RNF185: variants seen among roughly 807,000 people sequenced by gnomAD.
The protein encoded by RNF185 is ring finger protein 185.
RNF185 carries 13 observed loss-of-function variants against 24.9 expected under a neutral mutation model. The ratio of observed to expected loss-of-function variants is 0.52; its 90% confidence interval spans 0.34 to 0.83. The LOEUF is 0.83. RNF185 is among the 40% of genes least tolerant of loss of function. The probability of loss-of-function intolerance (pLI) is 0.01; values close to 1 mark genes in which losing one functional copy is unlikely to be tolerated. For synonymous variants in RNF185, 79 were observed against 90.3 expected, an observed-to-expected ratio of 0.88 and a Z score of 0.71; for missense variants, 184 against 244.7, an observed-to-expected ratio of 0.75 and a Z score of 1.65.
intron 1 of RNF185, among the ~76,000 whole-genome samples, chr22:31,175,165 G>A (rs2047969992): frequency 6.6e-6 from 1 of 151,772 alleles, no homozygotes; most frequent in Admixed American, 6.6e-5. Context: ...TGTTATCTCT[G>A]GGCTTGGTGG....
intron 4 of RNF185, among the ~76,000 whole-genome samples, chr22:31,196,151 T>G (rs765126829): frequency 6.6e-6 from 1 of 152,174 alleles, no homozygotes; most frequent in Non-Finnish European, 1.5e-5. Flanking sequence ...GTGTATTTGC[T>G]CTCTCTTCTG....
rs567216373 is a variant in RNF185 at position 31,182,322 on chromosome 22, A to G, written c.-48-4725A>G. 3.2e-4 allele frequency among the ~76,000 whole-genome samples: 48 copies of G among 151,402 alleles called. No individual in the cohort carries two copies. In the South Asian group the frequency reaches 4.8e-3, roughly 15 times the overall value. ...TTATTTTTTTTGAGACAGAGTCACTATGTCACTCAGGCTGGAATGCAGTGG... is the reference window on the plus strand; with the variant it reads ...TTATTTTTTTTGAGACAGAGTCACTGTGTCACTCAGGCTGGAATGCAGTGG... On this transcript the variant is annotated intron_variant, in intron 1 of 6. Transcript: ENST00000326132.
chr22:31,180,915 CTGTGTGTGTGTGTG>C (rs567264606), intron 1 of RNF185, among the ~76,000 whole-genome samples: 2 of 96,858 alleles, frequency 2.1e-5, no homozygotes, highest in Non-Finnish European at 3.8e-5. Context: ...CTCTCTCTCT[CTGTGTGTGTGTGTG>C]TGTGTGTGTG....
At chr22:31,183,711 A>G (rs1257151866) in intron 1 of RNF185, among the ~76,000 whole-genome samples, 5 of 152,256 alleles carry the variant, frequency 3.3e-5, no homozygotes, top group Admixed American at 6.5e-5. Flanking sequence ...GTAAGGTTAT[A>G]GATTAACAGC....
At chr22:31,168,526 T>C (rs1602787277) in intron 1 of RNF185, among the ~76,000 whole-genome samples, 1 of 152,232 alleles carries the variant, frequency 6.6e-6, no homozygotes, top group Non-Finnish European at 1.5e-5. Flanking sequence ...ACTGTGAACA[T>C]TGATGTATAG....
chr22:31,160,210 C>G lies in RNF185; in HGVS notation c.-142C>G, dbSNP rs936755156. ...TGACTGGAGTCCGCGTAGGAGGGGT[C>G]GGAGGTCTTACCCAACAGATTGACG... On this transcript the variant is annotated 5_prime_UTR_variant, in exon 1 of 7. Coordinates refer to ENST00000326132, the MANE Select transcript of RNF185 (RefSeq NM_152267.4). 6.6e-6 allele frequency: 1 copy of G among 151,656 alleles called. No individual in the cohort carries two copies. The highest frequency in any genetic ancestry group is 2.4e-5 in the African/African-American group (1 of 41,208). 9.4% of individuals were successfully genotyped at this position (151,656 alleles called of 1,614,324 possible).
At chr22:31,188,663 TTAAAAC>T (rs1208513144) in intron 2 of RNF185, among the ~76,000 whole-genome samples, 1 of 150,942 alleles carries the variant, frequency 6.6e-6, no homozygotes, top group East Asian at 2.0e-4. Flanking sequence ...CCCACTATGT[TTAAAAC>T]TAGTCAGGCA....
chr22:31,178,521 A>G, intron 1 of RNF185, among the ~76,000 whole-genome samples: 1 of 152,224 alleles, frequency 6.6e-6, no homozygotes, highest in East Asian at 1.9e-4. Context: ...GGATCTGGGA[A>G]CCAGATCTTT....
At chr22:31,181,748 G>T (rs926330240) in intron 1 of RNF185, among the ~76,000 whole-genome samples, 14 of 151,536 alleles carry the variant, frequency 9.2e-5, no homozygotes, top group African/African-American at 3.1e-4. Flanking sequence ...GCAAACTATC[G>T]CAAGGACAAA....
chr22:31,167,600 G>T (rs1449847202), intron 1 of RNF185, among the ~76,000 whole-genome samples: 2 of 147,432 alleles, frequency 1.4e-5, no homozygotes, highest in African/African-American at 2.6e-5. Flanking sequence ...AAACGTAGGG[G>T]GGTTTTTTCC....
At chr22:31,169,680 G>T (rs1035744122) in intron 1 of RNF185, among the ~76,000 whole-genome samples, 3 of 152,078 alleles carry the variant, frequency 2.0e-5, no homozygotes, top group Non-Finnish European at 4.4e-5. Context: ...TTGAGTAGTT[G>T]GGACCACAGG....
chr22:31,165,273 T>C (rs1237703294), intron 1 of RNF185, among the ~76,000 whole-genome samples: 2 of 152,106 alleles, frequency 1.3e-5, no homozygotes, highest in African/African-American at 4.8e-5. Flanking sequence ...ACACTTGTTA[T>C]TGCCCACTAA....
chr22:31,192,697 C>T lies in RNF185; in HGVS notation c.190C>T (p.His64Tyr). 4 of 1,613,842 alleles carry T rather than the reference C, an allele frequency of 2.5e-6. No individual in the cohort carries two copies. The highest frequency in any genetic ancestry group is 4.5e-5 in the East Asian group (2 of 44,870). ...CGHLFCWPCL[H>Y]QWLETRPNRQ... ...GGACTCTGGCAGTTGGCCGTGTTTA[C>T]ATCAGGTAAGATGCATTTCATTTTA... The change falls in exon 3 of 7, where the codon CAT (histidine) becomes TAT (tyrosine). Residue 64 changes from histidine to tyrosine, a missense_variant. Transcript: ENST00000326132.
rs2048300620 is a variant in RNF185 at position 31,204,918 on chromosome 22, T to C, written c.*332T>C. 2 of 234,088 alleles carry C rather than the reference T, an allele frequency of 8.5e-6. No homozygotes were observed. Among genetic ancestry groups the C allele is most frequent in the South Asian group, 1.7e-4 (2 of 11,658 alleles). 14.5% of individuals were successfully genotyped at this position (234,088 alleles called of 1,614,324 possible). On this transcript the variant is annotated 3_prime_UTR_variant, in exon 7 of 7. Coordinates refer to ENST00000326132, the MANE Select transcript of RNF185 (RefSeq NM_152267.4). The stretch of plus-strand genomic sequence containing the variant: ...CAGAAAGAGAGAAACTGTCAGAGTA[T>C]AATTTCACCTGAGTTTAATATTACA...
chr22:31,175,729 CT>C (rs1414709440), intron 1 of RNF185, among the ~76,000 whole-genome samples: 1 of 151,964 alleles, frequency 6.6e-6, no homozygotes, highest in East Asian at 1.9e-4. Flanking sequence ...AGCCTATATC[CT>C]TTTGTTGTAC....
At chr22:31,161,986 G>A (rs1251516836) in intron 1 of RNF185, among the ~76,000 whole-genome samples, 1 of 150,750 alleles carries the variant, frequency 6.6e-6, no homozygotes, top group Non-Finnish European at 1.5e-5. Flanking sequence ...GCCTCCCAAA[G>A]TGCTGGGATT....
intron 1 of RNF185, among the ~76,000 whole-genome samples, chr22:31,161,827 G>A (rs1199306138): frequency 6.6e-6 from 1 of 150,666 alleles, no homozygotes. Context: ...TATAAAAACA[G>A]TCCTCTTATA....
chr22:31,167,801 A>G (rs1041980973), intron 1 of RNF185, among the ~76,000 whole-genome samples: 2 of 151,664 alleles, frequency 1.3e-5, no homozygotes, highest in African/African-American at 4.8e-5. Context: ...TTTAGTAGAG[A>G]TGGGGTTTTG....
At chr22:31,176,062 C>T (rs1187624428) in intron 1 of RNF185, among the ~76,000 whole-genome samples, 1 of 152,150 alleles carries the variant, frequency 6.6e-6, no homozygotes, top group Middle Eastern at 3.4e-3. Context: ...CATGCTTGGC[C>T]TATTTTCTCC....
Sources: gnomAD v4.1 joint callset for allele counts (sites outside exome capture counted in the v4.1 genomes callset) on GRCh38, gnomAD v4.1.1 for gene constraint, MANE v1.5 for transcripts, NCBI Gene and HGNC (gene_info 2026-07-23, HGNC 2026-07-21) for gene names.